Variants in ARMC2 observed in about 807,000 individuals in gnomAD.
ARMC2 encodes armadillo repeat containing 2.
ARMC2 carries 67 observed loss-of-function variants against 90.3 expected under a neutral mutation model. The observed-to-expected ratio is 0.74, with a 90% confidence interval of 0.61 to 0.91. The LOEUF (loss-of-function observed/expected upper bound fraction) is 0.91, where lower values mean the gene tolerates loss of function less well. ARMC2 is among the 40% of genes least tolerant of loss of function. The pLI, the probability that ARMC2 is intolerant of heterozygous loss-of-function variation, is 0.00. For synonymous variants in ARMC2, 393 were observed against 393.0 expected (o/e 1.00, Z 0.00); for missense variants, 920 against 1,030.9 (o/e 0.89, Z 1.47).
chr6:108,958,751 C>T (rs60468951), intron 13 of ARMC2, among the ~76,000 whole-genome samples: 4,863 of 152,330 alleles, frequency 0.032, 130 homozygotes, highest in African/African-American at 0.076. Flanking sequence ...GTAATAAGCA[C>T]TTACTTAGCA....
intron 4 of ARMC2, among the ~76,000 whole-genome samples, chr6:108,874,329 T>C (rs1229733125): frequency 6.6e-6 from 1 of 152,236 alleles, no homozygotes; most frequent in Non-Finnish European, 1.5e-5. Flanking sequence ...TTGTTCACCA[T>C]GGCTTCACCC....
intron 11 of ARMC2, 74 bp from the exon 12 acceptor site, chr6:108,936,826 A>G (rs968002475): frequency 1.7e-6 from 2 of 1,207,240 alleles, no homozygotes; most frequent in African/African-American, 3.0e-5. Flanking sequence ...CTGCATTTAA[A>G]GTGATACTAT....
chr6:108,925,063 C>A (rs992154119), intron 10 of ARMC2, among the ~76,000 whole-genome samples: 1 of 152,060 alleles, frequency 6.6e-6, no homozygotes, highest in African/African-American at 2.4e-5. Context: ...TTCTTTCATC[C>A]GTTATTTTTT....
the ARMC2 span, among the ~76,000 whole-genome samples, chr6:109,000,890 G>A: frequency 6.6e-6 from 1 of 152,030 alleles, no homozygotes. Flanking sequence ...TCTGATAAAA[G>A]TATTTGAACT....
intron 4 of ARMC2, among the ~76,000 whole-genome samples, chr6:108,873,351 C>T (rs1389860391): frequency 3.3e-5 from 5 of 151,624 alleles, no homozygotes; most frequent in Admixed American, 6.6e-5. Flanking sequence ...GTGGGGGTGG[C>T]GGGGGATGAC....
At chr6:108,961,152 G>A (rs768320652) in intron 13 of ARMC2, among the ~76,000 whole-genome samples, 23 of 152,282 alleles carry the variant, frequency 1.5e-4, no homozygotes, top group African/African-American at 4.6e-4. Flanking sequence ...CCCCGGGGCC[G>A]TTCTGTTGGG....
chr6:108,977,010 A>G (rs1192535860), downstream of ARMC2, among the ~76,000 whole-genome samples: 1 of 152,182 alleles, frequency 6.6e-6, no homozygotes, highest in Admixed American at 6.5e-5. Flanking sequence ...CTCTTGCCTG[A>G]TTGCCCTGGC....
chr6:108,857,784 G>A (rs927308756), intron 2 of ARMC2, among the ~76,000 whole-genome samples: 4 of 152,142 alleles, frequency 2.6e-5, no homozygotes, highest in Non-Finnish European at 5.9e-5. Flanking sequence ...TCTTTAGCTT[G>A]TGGTGTGATA....
chr6:108,904,884 C>T (rs1008752147), intron 8 of ARMC2, among the ~76,000 whole-genome samples: 1 of 151,982 alleles, frequency 6.6e-6, no homozygotes, highest in African/African-American at 2.4e-5. Context: ...AGTGTGAAAC[C>T]GAAATACAGC....
chr6:109,018,232 G>A, the ARMC2 span, among the ~76,000 whole-genome samples: 2 of 152,138 alleles, frequency 1.3e-5, no homozygotes, highest in African/African-American at 4.8e-5. Context: ...ACCTACAAAT[G>A]TATATCAACA....
the ARMC2 span, among the ~76,000 whole-genome samples, chr6:109,051,264 A>C: frequency 1.3e-5 from 2 of 152,224 alleles, no homozygotes; most frequent in Admixed American, 1.3e-4. Context: ...GGTGCAATGA[A>C]ATTTCAGAGG....
At chr6:108,872,984 C>T (rs1776575759) in intron 4 of ARMC2, among the ~76,000 whole-genome samples, 2 of 152,154 alleles carry the variant, frequency 1.3e-5, no homozygotes, top group South Asian at 2.1e-4. Context: ...CACAGCATTT[C>T]ACAAACCTGC....
At chr6:108,870,887 A>G (rs1457099693) in intron 4 of ARMC2, among the ~76,000 whole-genome samples, 4 of 146,854 alleles carry the variant, frequency 2.7e-5, no homozygotes, top group Non-Finnish European at 6.1e-5. Flanking sequence ...AGACAATGAC[A>G]GGAGAACAAA....
At chr6:108,900,933 C>T (rs1383432654) in intron 7 of ARMC2, among the ~76,000 whole-genome samples, 1 of 151,886 alleles carries the variant, frequency 6.6e-6, no homozygotes, top group Non-Finnish European at 1.5e-5. Flanking sequence ...GCCACGTTAG[C>T]TTTGGGCCCT....
the ARMC2 span, among the ~76,000 whole-genome samples, chr6:109,044,286 T>C: frequency 1.7e-3 from 184 of 106,618 alleles, no homozygotes; most frequent in Non-Finnish European, 1.3e-3. Context: ...CACTCCAGCC[T>C]AGATGACACA....
the ARMC2 span, among the ~76,000 whole-genome samples, chr6:109,019,354 T>A: frequency 6.6e-6 from 1 of 152,304 alleles, no homozygotes; most frequent in African/African-American, 2.4e-5. Context: ...TAATTTCAAC[T>A]GGTTCCAGCA....
the ARMC2 span, among the ~76,000 whole-genome samples, chr6:109,040,898 C>T: frequency 9.2e-5 from 14 of 151,878 alleles, no homozygotes; most frequent in Non-Finnish European, 1.8e-4. Context: ...GTGATCTGCC[C>T]GCCTCAGCCT....
At chr6:108,957,263 C>A (rs1478337263) in intron 13 of ARMC2, among the ~76,000 whole-genome samples, 1 of 152,222 alleles carries the variant, frequency 6.6e-6, no homozygotes, top group Admixed American at 6.5e-5. Flanking sequence ...GGTCACCCCC[C>A]TCCACCTTCC....
At chr6:109,012,597 G>A in the ARMC2 span, among the ~76,000 whole-genome samples, 2 of 152,126 alleles carry the variant, frequency 1.3e-5, no homozygotes, top group Non-Finnish European at 2.9e-5. Context: ...GCTTCCTGAA[G>A]GAAAAAGACA....
Sources: allele counts gnomAD v4.1 joint callset (sites outside exome capture counted in the v4.1 genomes callset), GRCh38; gene constraint gnomAD v4.1.1; transcripts MANE v1.5; gene names NCBI Gene and HGNC (gene_info 2026-07-23, HGNC 2026-07-21).